Variants in SOX5 observed in about 807,000 individuals in gnomAD.
SOX5 encodes transcription factor SOX-5.
A neutral mutation model predicts 92.0 loss-of-function variants in SOX5; 9 were observed. The ratio of observed to expected loss-of-function variants is 0.10; its 90% confidence interval spans 0.06 to 0.17. SOX5 has a LOEUF of 0.17. Among genes scored for constraint, SOX5 ranks in the 10% least tolerant of loss-of-function variants. SOX5 has a pLI of 1.00. For synonymous variants in SOX5, 344 were observed against 336.3 expected (o/e 1.02, Z -0.25); for missense variants, 642 against 944.5 (o/e 0.68, Z 4.20).
At chr12:24,377,300 T>C (rs985690929) in intron 1 of SOX5, among the ~76,000 whole-genome samples, 1 of 152,218 alleles carries the variant, frequency 6.6e-6, no homozygotes, top group Non-Finnish European at 1.5e-5. Context: ...AGAAATGTGC[T>C]CAAGTTCACA....
At chr12:24,200,652 T>C (rs1196589390) in intron 4 of SOX5, among the ~76,000 whole-genome samples, 3 of 152,160 alleles carry the variant, frequency 2.0e-5, no homozygotes, top group East Asian at 1.9e-4. Context: ...AAGTACAATA[T>C]CTCTGGACAG....
intron 1 of SOX5, among the ~76,000 whole-genome samples, chr12:23,896,806 A>G (rs1351085191): frequency 6.6e-6 from 1 of 151,812 alleles, no homozygotes; most frequent in Admixed American, 6.6e-5. Flanking sequence ...ATTCTGACTT[A>G]TTTATCCTTA....
rs1386116375 is a variant in SOX5 at position 24,506,782 on chromosome 12, G to GTTTTTTTTTTTTTTTT, written c.-251+55546_-251+55547insAAAAAAAAAAAAAAAA. On this transcript the variant is annotated intron_variant, in intron 1 of 4. Transcript: ENST00000446891. ...ACCTGTATTTCATGGTATCCAAATGGTCTTTTTTTTTTTTTTTTTTTTTTG... is the reference window on the plus strand; with the variant it reads ...ACCTGTATTTCATGGTATCCAAATGGTTTTTTTTTTTTTTTTTCTTTTTTTTTTTTTTTTTTTTTTG... 1.3e-3 allele frequency among the ~76,000 whole-genome samples: 108 copies of GTTTTTTTTTTTTTTTT among 80,248 alleles called. 3 individuals carry two copies. The highest frequency in any genetic ancestry group is 3.1e-3 in the Admixed American group (20 of 6,462). 52.6% of individuals were successfully genotyped at this position (80,248 alleles called of 152,430 possible). A position where few individuals can be genotyped will look rare whatever the true frequency, so the allele number is the denominator to read the frequency against.
In SOX5 at chr12:24,392,593, C is replaced by T. The variant is rs191604240; in HGVS notation, c.-250-23954G>A. On this transcript the variant is annotated intron_variant, in intron 1 of 4. Coordinates refer to the SOX5 transcript ENST00000446891. Reference sequence around the variant, plus strand: ...CTGGTCTCATTGTCTAAATCAGTACCCCCAACCCTACCCTCACCCTGTTTT... The same window carrying T: ...CTGGTCTCATTGTCTAAATCAGTACTCCCAACCCTACCCTCACCCTGTTTT... Among the ~76,000 whole-genome samples, 14 of 152,078 alleles carry T rather than the reference C, an allele frequency of 9.2e-5. No homozygotes were observed. The East Asian group carries it at 2.3e-3, about 25-fold the overall frequency.
intron 2 of SOX5, among the ~76,000 whole-genome samples, chr12:24,320,284 G>A (rs1950082836): frequency 6.6e-6 from 1 of 152,146 alleles, no homozygotes; most frequent in Admixed American, 6.5e-5. Flanking sequence ...CAAATAAGTA[G>A]CTTTAATATG....
At chr12:23,738,842 T>C (rs1282729293) in intron 5 of SOX5, among the ~76,000 whole-genome samples, 1 of 152,176 alleles carries the variant, frequency 6.6e-6, no homozygotes, top group Non-Finnish European at 1.5e-5. Context: ...GTGGTGTTGT[T>C]TTATACTGTT....
intron 4 of SOX5, among the ~76,000 whole-genome samples, chr12:24,138,350 T>C (rs1166853166): frequency 6.6e-6 from 1 of 152,256 alleles, no homozygotes; most frequent in Non-Finnish European, 1.5e-5. Context: ...TTTGCATTTA[T>C]TTTACAAGGG....
intron 8 of SOX5, among the ~76,000 whole-genome samples, chr12:23,614,022 C>G (rs1019156126): frequency 2.0e-5 from 3 of 152,126 alleles, no homozygotes; most frequent in African/African-American, 7.2e-5. Context: ...CTGTGTCCCT[C>G]CTCTTCCCAC....
At chr12:24,070,028 G>A (rs1481356548) in intron 4 of SOX5, among the ~76,000 whole-genome samples, 3 of 152,138 alleles carry the variant, frequency 2.0e-5, no homozygotes, top group Non-Finnish European at 4.4e-5. Context: ...ACCGGGGAGA[G>A]CGCTCTGCTG....
chr12:24,070,325 AAG>A (rs1224287676), intron 4 of SOX5, among the ~76,000 whole-genome samples: 4 of 152,184 alleles, frequency 2.6e-5, no homozygotes, highest in African/African-American at 9.7e-5. Context: ...TACAGAAAGA[AAG>A]AGGCAACAGG....
At chr12:24,126,077 C>T (rs2138406517) in intron 4 of SOX5, among the ~76,000 whole-genome samples, 1 of 152,312 alleles carries the variant, frequency 6.6e-6, no homozygotes, top group South Asian at 2.1e-4. Context: ...AAGGTTCTCT[C>T]CTCTAGCCTT....
At chr12:23,854,052 T>C (rs1392005823) in intron 2 of SOX5, among the ~76,000 whole-genome samples, 20 of 152,114 alleles carry the variant, frequency 1.3e-4, no homozygotes, top group Admixed American at 1.3e-3. Context: ...CTTGACTAAA[T>C]ATCTATTCAC....
chr12:24,467,942 T>A (rs10842355), intron 1 of SOX5, among the ~76,000 whole-genome samples: 29,068 of 141,082 alleles, frequency 0.21, 2,896 homozygotes, highest in East Asian at 0.28. Flanking sequence ...AACTAGTCTG[T>A]GTTCTACAAA....
chr12:24,049,241 T>C (rs1447559886), intron 4 of SOX5, among the ~76,000 whole-genome samples: 1 of 152,170 alleles, frequency 6.6e-6, no homozygotes, highest in East Asian at 1.9e-4. Context: ...AAGGTAGACT[T>C]CTAATAACTG....
chr12:23,931,057 T>C (rs1480151297), intron 1 of SOX5, among the ~76,000 whole-genome samples: 2 of 151,778 alleles, frequency 1.3e-5, no homozygotes, highest in East Asian at 1.9e-4. Context: ...TTTTTATTCA[T>C]TTTTAAATCT....
At chr12:24,087,940 T>A (rs1022190802) in intron 4 of SOX5, among the ~76,000 whole-genome samples, 5 of 152,032 alleles carry the variant, frequency 3.3e-5, no homozygotes, top group African/African-American at 1.2e-4. Context: ...TTGGGTGTAA[T>A]GAAGGAAAGG....
chr12:24,372,966 A>AAT (rs1956889595), intron 1 of SOX5, among the ~76,000 whole-genome samples: 1 of 151,834 alleles, frequency 6.6e-6, no homozygotes, highest in South Asian at 2.1e-4. Flanking sequence ...AAAAAAAAAA[A>AAT]AAACTGCTGG....
chr12:24,421,258 T>C (rs1965865449), intron 1 of SOX5, among the ~76,000 whole-genome samples: 1 of 152,182 alleles, frequency 6.6e-6, no homozygotes, highest in Non-Finnish European at 1.5e-5. Flanking sequence ...CAAGACTGTT[T>C]ATCTTATAAT....
chr12:23,688,651 T>G (rs1361235085), intron 6 of SOX5, among the ~76,000 whole-genome samples: 1 of 152,112 alleles, frequency 6.6e-6, no homozygotes, highest in Non-Finnish European at 1.5e-5. Flanking sequence ...GATCCTTTGC[T>G]AAGGACACAC....
Sources: gnomAD v4.1 joint callset for allele counts (sites outside exome capture counted in the v4.1 genomes callset) on GRCh38, gnomAD v4.1.1 for gene constraint, MANE v1.5 for transcripts, NCBI Gene and HGNC (gene_info 2026-07-23, HGNC 2026-07-21) for gene names.